CELF4: variants seen among roughly 807,000 people sequenced by gnomAD.
CELF4 encodes the protein CUG-BP- and ETR-3-like factor 4.
In CELF4, 18 loss-of-function variants were observed where a neutral mutation model predicts 59.9. The ratio of observed to expected loss-of-function variants is 0.30; its 90% CI spans 0.21 to 0.45. The LOEUF (loss-of-function observed/expected upper bound fraction) is 0.45. Among genes scored for constraint, CELF4 ranks in the 20% least tolerant of loss-of-function variants. The pLI is 1.00. For synonymous variants in CELF4, 261 were observed against 267.1 expected (o/e 0.98, Z 0.22); for missense variants, 456 against 689.0 (o/e 0.66, Z 3.79).
chr18:37,402,090 A>C (rs2099331734), intron 2 of CELF4, among the ~76,000 whole-genome samples: 1 of 152,194 alleles, frequency 6.6e-6, no homozygotes, highest in Non-Finnish European at 1.5e-5. Context: ...CTTGAAACCC[A>C]GGCATCTGGA....
At chr18:37,540,200 C>A (rs2099976781) in intron 1 of CELF4, among the ~76,000 whole-genome samples, 1 of 152,162 alleles carries the variant, frequency 6.6e-6, no homozygotes, top group South Asian at 2.1e-4. Flanking sequence ...GCCTGTCTCA[C>A]TTGCTGGTAC....
At chr18:37,434,067 A>T (rs2099680546) in intron 2 of CELF4, among the ~76,000 whole-genome samples, 3 of 152,234 alleles carry the variant, frequency 2.0e-5, no homozygotes, top group African/African-American at 7.2e-5. Flanking sequence ...CCGGACTAAC[A>T]GGGCTTGGTA....
In CELF4 at chr18:37,243,476, G is replaced by GTTC. The variant is rs1241572111; in HGVS notation, c.*1763_*1765dup. On this transcript the variant is annotated 3_prime_UTR_variant, in exon 13 of 13. Transcript: ENST00000420428. ...ATATGTTATACTTTAAAATATATGT[G>GTTC]TTCTTAAATAATTCAGTGTTTTTTC... 3.3e-5 allele frequency: 5 copies of GTTC among 152,098 alleles called. No homozygotes were observed. The highest frequency in any genetic ancestry group is 1.2e-4 in the African/African-American group (5 of 41,424). 9.4% of individuals were successfully genotyped at this position (152,098 alleles called of 1,614,324 possible).
intron 8 of CELF4, 126 bp downstream of exon 8, chr18:37,270,642 C>T (rs1416337346): frequency 8.4e-7 from 1 of 1,197,498 alleles, no homozygotes; most frequent in Non-Finnish European, 1.2e-6. Context: ...TCTCTGATCA[C>T]ACTTGGGGTT....
chr18:37,355,003 T>C (rs188621711), intron 2 of CELF4, among the ~76,000 whole-genome samples: 38 of 152,356 alleles, frequency 2.5e-4, no homozygotes, highest in Admixed American at 1.8e-3. Context: ...TCTGAGGGTA[T>C]GAAGTTGATC....
chr18:37,355,973 AGTCT>A (rs200745646), intron 2 of CELF4, among the ~76,000 whole-genome samples: 2,282 of 152,270 alleles, frequency 0.015, 34 homozygotes, highest in Admixed American at 0.032. Context: ...CCATCACTGC[AGTCT>A]GTCTTCGTCA....
intron 2 of CELF4, among the ~76,000 whole-genome samples, chr18:37,392,449 G>A (rs2099172683): frequency 6.6e-6 from 1 of 152,198 alleles, no homozygotes; most frequent in Admixed American, 6.5e-5. Flanking sequence ...CCTCACACTG[G>A]ATCTGACCGC....
intron 7 of CELF4, among the ~76,000 whole-genome samples, chr18:37,272,272 A>G (rs944474361): frequency 6.6e-6 from 1 of 152,162 alleles, no homozygotes; most frequent in South Asian, 2.1e-4. Flanking sequence ...TGTGCACTGT[A>G]GGATCATACA....
chr18:37,294,433 C>G (rs144291226), intron 3 of CELF4, among the ~76,000 whole-genome samples: 2 of 152,286 alleles, frequency 1.3e-5, no homozygotes, highest in African/African-American at 4.8e-5. Context: ...GAGTAGGTGA[C>G]AAGATGCCAG....
intron 1 of CELF4, among the ~76,000 whole-genome samples, chr18:37,513,166 G>T (rs2099946490): frequency 1.3e-5 from 2 of 152,226 alleles, no homozygotes; most frequent in Admixed American, 1.3e-4. Flanking sequence ...CGGGAACTGA[G>T]AATGGAACAA....
At chr18:37,484,875 G>C (rs1603642363) in intron 2 of CELF4, among the ~76,000 whole-genome samples, 1 of 152,082 alleles carries the variant, frequency 6.6e-6, no homozygotes, top group Non-Finnish European at 1.5e-5. Flanking sequence ...TAGATACTCA[G>C]CAGCCGTATA....
intron 2 of CELF4, among the ~76,000 whole-genome samples, chr18:37,346,547 C>T (rs766752360): frequency 2.6e-5 from 4 of 152,174 alleles, no homozygotes; most frequent in Admixed American, 1.3e-4. Flanking sequence ...GATGAAGACA[C>T]GCCAGGAGGT....
chr18:37,531,503 G>A (rs1358890671), intron 1 of CELF4, among the ~76,000 whole-genome samples: 1 of 152,188 alleles, frequency 6.6e-6, no homozygotes, highest in Non-Finnish European at 1.5e-5. Flanking sequence ...GGCTAACACT[G>A]GTTGCCGCAT....
chr18:37,402,506 G>A (rs2099343066), intron 2 of CELF4, among the ~76,000 whole-genome samples: 1 of 152,146 alleles, frequency 6.6e-6, no homozygotes, highest in Non-Finnish European at 1.5e-5. Context: ...TGTGTTCTGA[G>A]TGGGAGCCCC....
At chr18:37,391,279 G>A (rs1028977443) in intron 2 of CELF4, among the ~76,000 whole-genome samples, 4 of 152,206 alleles carry the variant, frequency 2.6e-5, no homozygotes, top group Non-Finnish European at 5.9e-5. Flanking sequence ...TAACCATCTA[G>A]GACACATGGA....
chr18:37,506,537 A>G (rs2099938250), intron 1 of CELF4, among the ~76,000 whole-genome samples: 1 of 152,206 alleles, frequency 6.6e-6, no homozygotes, highest in South Asian at 2.1e-4. Flanking sequence ...ATGCCATCCC[A>G]GGAAGGCAGA....
chr18:37,562,915 A>G (rs1327784822), intron 1 of CELF4, among the ~76,000 whole-genome samples: 2 of 152,176 alleles, frequency 1.3e-5, no homozygotes, highest in Non-Finnish European at 2.9e-5. Context: ...CAGGCTCTGA[A>G]GGGTGAGCTG....
chr18:37,504,742 T>G (rs575622917), intron 1 of CELF4, among the ~76,000 whole-genome samples: 1 of 152,236 alleles, frequency 6.6e-6, no homozygotes, highest in East Asian at 1.9e-4. Context: ...TTTTCTCACT[T>G]AGTCCACTGG....
chr18:37,270,746 A>G (rs2090776297), intron 8 of CELF4, 22 bp downstream of exon 8: 1 of 1,613,562 alleles, frequency 6.2e-7, no homozygotes, highest in East Asian at 2.2e-5. Flanking sequence ...ATACGGAAAT[A>G]AGTGCTGACA....
Sources: gnomAD v4.1 joint callset for allele counts (sites outside exome capture counted in the v4.1 genomes callset) on GRCh38, gnomAD v4.1.1 for gene constraint, MANE v1.5 for transcripts, NCBI Gene and HGNC (gene_info 2026-07-23, HGNC 2026-07-21) for gene names.